TUB: variants seen among roughly 807,000 people sequenced by gnomAD.
TUB encodes the protein tubby protein homolog.
Under a neutral mutation model 59.7 loss-of-function variants are expected in TUB, and 33 were observed. That is an observed-to-expected ratio of 0.55 (90% CI 0.42 to 0.74). The LOEUF is 0.74. Ranked by LOEUF, TUB falls within the 30% of genes least tolerant of loss-of-function variation. The pLI is 0.00. For missense variants in TUB, 659 were observed against 672.0 expected (o/e 0.98, Z 0.21); for synonymous variants, 293 against 256.4 (o/e 1.14, Z -1.36).
At chr11:8,040,807 G>A (rs2133733178) in intron 2 of TUB, among the ~76,000 whole-genome samples, 1 of 152,320 alleles carries the variant, frequency 6.6e-6, no homozygotes, top group Admixed American at 6.5e-5. Flanking sequence ...TTTGTCATGT[G>A]CAGCTGGTGT....
At chr11:8,076,420 C>T (rs1040157745), upstream of TUB, 1 of 152,180 alleles carries the variant, frequency 6.6e-6, no homozygotes, top group Non-Finnish European at 1.5e-5. Flanking sequence ...TCATTCTAAA[C>T]CTCCAACAAC....
At chr11:8,072,654 T>C (rs1351093215) in intron 2 of TUB, among the ~76,000 whole-genome samples, 1 of 152,116 alleles carries the variant, frequency 6.6e-6, no homozygotes, top group African/African-American at 2.4e-5. Flanking sequence ...ACGTCCCTTC[T>C]CAGTTCATCC....
At position 8,081,478 on chromosome 11, in the gene TUB, A is replaced by G. The variant is rs1943561132; in HGVS notation, c.-33A>G. ...CCGGCCCCTCCGGGCCCCGGCCTCC[A>G]GAGCCGCAGCCACCGCCCCGCCCCC... On this transcript the variant is annotated 5_prime_UTR_variant, in exon 1 of 12. Transcript: ENST00000299506. 4.7e-6 allele frequency: 7 copies of G among 1,482,562 alleles called. No homozygotes were observed. Among genetic ancestry groups the G allele is most frequent in the African/African-American group, 1.5e-5 (1 of 67,908 alleles). 91.8% of individuals were successfully genotyped at this position (1,482,562 alleles called of 1,614,324 possible).
intron 2 of TUB, chr11:8,069,446 T>G (rs1036286104): frequency 6.6e-6 from 1 of 151,964 alleles, no homozygotes; most frequent in Non-Finnish European, 1.5e-5. Context: ...GAAATTAAGT[T>G]CTTAGAGTAG....
chr11:8,060,669 A>T (rs1589940513), intron 2 of TUB, among the ~76,000 whole-genome samples: 1 of 152,086 alleles, frequency 6.6e-6, no homozygotes, highest in Non-Finnish European at 1.5e-5. Flanking sequence ...ATCTAGTCCC[A>T]CCCTGTCCCC....
At chr11:8,078,607 T>G (rs1177192577), upstream of TUB, among the ~76,000 whole-genome samples, 1 of 152,132 alleles carries the variant, frequency 6.6e-6, no homozygotes, top group South Asian at 2.1e-4. Flanking sequence ...TTAACACTCA[T>G]GCACTCCATA....
chr11:8,097,498 G>A, intron 7 of TUB, 73 bp downstream of exon 7: 2 of 1,589,060 alleles, frequency 1.3e-6, no homozygotes, highest in Non-Finnish European at 1.7e-6. Context: ...AAATGTGACT[G>A]GAAGTCTCAT....
chr11:8,077,642 C>T (rs7926527), upstream of TUB: 94,873 of 151,958 alleles, frequency 0.62, 29,872 homozygotes, highest in Middle Eastern at 0.69. Flanking sequence ...CATCCTTTTC[C>T]ACTCTTGGGA....
rs188605519 is a variant in TUB at position 8,104,865 on chromosome 11, G to C, written c.*3246G>C. The C allele has an allele frequency of 6.6e-6, 1 of 151,640 alleles. No individual in the cohort carries two copies. Among genetic ancestry groups the C allele is most frequent in the East Asian group, 1.9e-4 (1 of 5,148 alleles). The allele number at this position is 151,640 out of a possible 1,614,324, so 9.4% of individuals were successfully genotyped here. A position where few individuals can be genotyped will look rare whatever the true frequency, so the allele number is the denominator to read the frequency against. On this transcript the variant is annotated 3_prime_UTR_variant, in exon 12 of 12. Coordinates refer to ENST00000299506, the MANE Select transcript of TUB (RefSeq NM_177972.3). The stretch of plus-strand genomic sequence containing the variant: ...GGACTGTGATAATCAGAAGCTATAA[G>C]AGAACTTTCGGAGCCTGCCTCCTTC...
chr11:8,082,328 A>C (rs907547953), intron 1 of TUB, among the ~76,000 whole-genome samples: 1 of 152,186 alleles, frequency 6.6e-6, no homozygotes, highest in Non-Finnish European at 1.5e-5. Flanking sequence ...ACTGTGGTCT[A>C]TCTCAAGGAT....
At chr11:8,068,960 C>A (rs1467236291) in intron 2 of TUB, 1 of 152,222 alleles carries the variant, frequency 6.6e-6, no homozygotes, top group Non-Finnish European at 1.5e-5. Flanking sequence ...ATCTGAGTTT[C>A]TTTCTGCACT....
rs901731080 is a variant in TUB, at chr11:8,105,994, T to C, written c.*4375T>C. On this transcript the variant is annotated 3_prime_UTR_variant, in exon 12 of 12. Transcript: ENST00000299506. The stretch of plus-strand genomic sequence containing the variant: ...TGTCTATTTGCACAAGATTGTCTTT[T>C]CCTATTTTGGAGTGGTCAGACATTT... The C allele has an allele frequency of 1.3e-5, 2 of 151,948 alleles. No individual in the cohort carries two copies. Among genetic ancestry groups the C allele is most frequent in the African/African-American group, 4.8e-5 (2 of 41,470 alleles). 9.4% of individuals were successfully genotyped at this position (151,948 alleles called of 1,614,324 possible). A position where few individuals can be genotyped will look rare whatever the true frequency, so the allele number is the denominator to read the frequency against.
chr11:8,040,826 T>G (rs749307742), intron 2 of TUB, among the ~76,000 whole-genome samples: 5 of 151,922 alleles, frequency 3.3e-5, no homozygotes, highest in Non-Finnish European at 7.4e-5. Context: ...GTATTTTGAG[T>G]GATATAAGTT....
chr11:8,049,691 T>G (rs2133751511), intron 2 of TUB, among the ~76,000 whole-genome samples: 1 of 151,956 alleles, frequency 6.6e-6, no homozygotes. Context: ...CATAATAACA[T>G]ATGTATGTAA....
At chr11:8,097,466 C>A (rs1297981731) in intron 7 of TUB, 41 bp downstream of exon 7, 1 of 1,612,130 alleles carries the variant, frequency 6.2e-7, no homozygotes. Context: ...GGCTTTACAG[C>A]CCTTTGAAAT....
At position 8,089,599 on chromosome 11, in the gene TUB, T is replaced by G. The variant is rs758306512; in HGVS notation, c.39-11T>G. On this transcript the variant is annotated splice_polypyrimidine_tract_variant and intron_variant, in intron 1 of 11. Coordinates refer to ENST00000299506, the MANE Select transcript of TUB (RefSeq NM_177972.3). ...CGGGCAAGCCCTGAAAACCCCTCTT[T>G]CGCTCTGCAGTGTCTTAGATGATGA... The G allele has an allele frequency of 1.2e-6, 2 of 1,614,024 alleles. No homozygotes were observed. The highest frequency in any genetic ancestry group is 8.5e-7 in the Non-Finnish European group (1 of 1,179,910).
intron 2 of TUB, among the ~76,000 whole-genome samples, chr11:8,060,802 G>T (rs1943109593): frequency 6.6e-6 from 1 of 152,236 alleles, no homozygotes; most frequent in Non-Finnish European, 1.5e-5. Flanking sequence ...TGGGGTCTGT[G>T]AATCCTTGCC....
intron 2 of TUB, among the ~76,000 whole-genome samples, chr11:8,063,949 C>G (rs367574100): frequency 6.6e-6 from 1 of 151,916 alleles, no homozygotes; most frequent in Admixed American, 6.6e-5. Flanking sequence ...GTTTTAATGC[C>G]GTTGTTTCAA....
At chr11:8,075,211 C>T (rs1206120455) in intron 2 of TUB, among the ~76,000 whole-genome samples, 1 of 152,188 alleles carries the variant, frequency 6.6e-6, no homozygotes, top group Non-Finnish European at 1.5e-5. Context: ...TATCTTTGTA[C>T]ATAAACTTTT....
Sources: gnomAD v4.1 joint callset for allele counts (sites outside exome capture counted in the v4.1 genomes callset) on GRCh38, gnomAD v4.1.1 for gene constraint, MANE v1.5 for transcripts, NCBI Gene and HGNC (gene_info 2026-07-23, HGNC 2026-07-21) for gene names.